Variants in MACROD2 observed in about 807,000 individuals in gnomAD.
MACROD2 encodes the protein ADP-ribose glycohydrolase MACROD2.
MACROD2 carries 36 observed loss-of-function variants against 70.4 expected under a neutral mutation model. That is an observed-to-expected ratio of 0.51 (90% CI 0.39 to 0.68). MACROD2 has a LOEUF of 0.68. Ranked by LOEUF, MACROD2 falls within the 30% of genes least tolerant of loss-of-function variation. The probability of loss-of-function intolerance (pLI) is 0.00; values close to 1 mark genes in which losing one functional copy is unlikely to be tolerated. For missense variants in MACROD2, 496 were observed against 538.4 expected, an observed-to-expected ratio of 0.92 and a Z score of 0.78; for synonymous variants, 172 against 178.8, an observed-to-expected ratio of 0.96 and a Z score of 0.30.
chr20:15,072,865 C>T (rs1374692931), intron 5 of MACROD2, among the ~76,000 whole-genome samples: 1 of 152,060 alleles, frequency 6.6e-6, no homozygotes, highest in Non-Finnish European at 1.5e-5. Context: ...AACTTGATCC[C>T]CAAAGCAGTG....
intron 8 of MACROD2, among the ~76,000 whole-genome samples, chr20:15,806,068 T>C (rs2063766517): frequency 6.6e-6 from 1 of 152,256 alleles, no homozygotes; most frequent in South Asian, 2.1e-4. Flanking sequence ...ATATAGTCAG[T>C]ATTTCATATG....
chr20:14,065,764 A>T (rs1010271047), intron 2 of MACROD2, among the ~76,000 whole-genome samples: 1 of 152,260 alleles, frequency 6.6e-6, no homozygotes, highest in African/African-American at 2.4e-5. Context: ...TCAAATCGGC[A>T]TAATGTTTCC....
chr20:16,012,580 G>A (rs1386012156), intron 15 of MACROD2, among the ~76,000 whole-genome samples: 2 of 152,182 alleles, frequency 1.3e-5, no homozygotes, highest in Non-Finnish European at 2.9e-5. Flanking sequence ...TGACTACAAT[G>A]GTAATCTGTT....
intron 4 of MACROD2, among the ~76,000 whole-genome samples, chr20:14,562,218 C>T (rs763633307): frequency 3.3e-5 from 5 of 151,732 alleles, no homozygotes; most frequent in East Asian, 1.9e-4. Context: ...TTCATGATCT[C>T]GTCTACATGG....
chr20:14,702,595 ATG>A (rs1204065747), intron 5 of MACROD2, among the ~76,000 whole-genome samples: 1 of 446 alleles, frequency 2.2e-3, no homozygotes, highest in African/African-American at 0.01. Context: ...ATGTATATAT[ATG>A]TGTGTATATA....
chr20:15,637,339 A>T (rs1418506207), intron 8 of MACROD2, among the ~76,000 whole-genome samples: 1 of 152,198 alleles, frequency 6.6e-6, no homozygotes, highest in Non-Finnish European at 1.5e-5. Context: ...TGAGCTTCTT[A>T]TTCCTATTGG....
At chr20:15,255,707 C>G (rs60993304) in intron 6 of MACROD2, among the ~76,000 whole-genome samples, 1 of 151,930 alleles carries the variant, frequency 6.6e-6, no homozygotes, top group Non-Finnish European at 1.5e-5. Flanking sequence ...TACAAGAGCA[C>G]GTATTTCTTT....
chr20:15,874,891 A>G (rs1319837321), intron 9 of MACROD2, among the ~76,000 whole-genome samples: 1 of 152,106 alleles, frequency 6.6e-6, no homozygotes, highest in African/African-American at 2.4e-5. Context: ...GTTATTTGGG[A>G]TTGATTCTAG....
intron 4 of MACROD2, among the ~76,000 whole-genome samples, chr20:14,575,569 T>G (rs2123331304): frequency 1.3e-5 from 2 of 152,372 alleles, no homozygotes; most frequent in South Asian, 4.1e-4. Context: ...ACTCACAATT[T>G]TATTTATTCC....
chr20:15,404,062 A>G (rs1277108129), intron 6 of MACROD2, among the ~76,000 whole-genome samples: 2 of 152,312 alleles, frequency 1.3e-5, no homozygotes, highest in South Asian at 4.1e-4. Context: ...TTTGAAATTT[A>G]CAGAGATCCA....
intron 5 of MACROD2, among the ~76,000 whole-genome samples, chr20:14,958,702 G>T (rs563138870): frequency 3.3e-5 from 5 of 152,218 alleles, no homozygotes; most frequent in African/African-American, 1.2e-4. Context: ...CTCAAGCTTT[G>T]CCCTGTAGGC....
At chr20:14,533,899 A>G (rs1044951816) in intron 4 of MACROD2, among the ~76,000 whole-genome samples, 13 of 152,206 alleles carry the variant, frequency 8.5e-5, no homozygotes, top group African/African-American at 3.1e-4. Flanking sequence ...ACTTTTGGAT[A>G]CGCTTTAATG....
chr20:14,800,464 A>G (rs1428466236), intron 5 of MACROD2, among the ~76,000 whole-genome samples: 1 of 152,076 alleles, frequency 6.6e-6, no homozygotes, highest in Admixed American at 6.6e-5. Flanking sequence ...TTGCCTACCA[A>G]AGGTTATTTC....
At chr20:14,893,488 G>A (rs1051159955) in intron 5 of MACROD2, 1 of 151,976 alleles carries the variant, frequency 6.6e-6, no homozygotes, top group Non-Finnish European at 1.5e-5. Context: ...AATGTGATAT[G>A]CATACACGGC....
At chr20:15,393,759 T>C (rs912971511) in intron 6 of MACROD2, among the ~76,000 whole-genome samples, 1 of 152,206 alleles carries the variant, frequency 6.6e-6, no homozygotes, top group African/African-American at 2.4e-5. Context: ...TAATCATTCC[T>C]TACTCACAAG....
At chr20:15,909,336 T>A (rs1601109777) in intron 10 of MACROD2, among the ~76,000 whole-genome samples, 1 of 152,084 alleles carries the variant, frequency 6.6e-6, no homozygotes, top group East Asian at 1.9e-4. Context: ...ATTCTATTGG[T>A]TGAGGTTAAC....
intron 2 of MACROD2, among the ~76,000 whole-genome samples, chr20:14,036,621 T>A (rs1038190461): frequency 6.6e-6 from 1 of 152,238 alleles, no homozygotes; most frequent in Non-Finnish European, 1.5e-5. Context: ...TTAAGAGGAA[T>A]CTGTATATTT....
At chr20:15,622,084 G>C (rs2049133699) in intron 8 of MACROD2, among the ~76,000 whole-genome samples, 1 of 152,130 alleles carries the variant, frequency 6.6e-6, no homozygotes, top group Non-Finnish European at 1.5e-5. Flanking sequence ...CCAGGGGATG[G>C]GGCGAGGCAT....
intron 5 of MACROD2, among the ~76,000 whole-genome samples, chr20:15,033,006 G>A (rs1488304176): frequency 6.6e-6 from 1 of 152,160 alleles, no homozygotes; most frequent in East Asian, 1.9e-4. Context: ...ACTTATACGA[G>A]GTAACCAGAA....
Sources: allele counts gnomAD v4.1 joint callset (sites outside exome capture counted in the v4.1 genomes callset), GRCh38; gene constraint gnomAD v4.1.1; transcripts MANE v1.5; gene names NCBI Gene and HGNC (gene_info 2026-07-23, HGNC 2026-07-21).